The following CTNNA2 variants were observed in gnomAD, a reference collection of about 807,000 sequenced individuals.
The protein encoded by CTNNA2 is catenin alpha 2, also known as catenin alpha-2.
CTNNA2 carries 42 observed loss-of-function variants against 101.0 expected under a neutral mutation model. The observed-to-expected ratio is 0.42, with a 90% CI of 0.32 to 0.54. The LOEUF is 0.54. Ranked by LOEUF, CTNNA2 falls within the 20% of genes least tolerant of loss-of-function variation. The pLI is 0.14. For missense variants in CTNNA2, 871 were observed against 1,223.1 expected (o/e 0.71, Z 4.29); for synonymous variants, 450 against 456.4 (o/e 0.99, Z 0.18).
chr2:79,687,411 C>T (rs1169503914), intron 2 of CTNNA2, among the ~76,000 whole-genome samples: 3 of 147,750 alleles, frequency 2.0e-5, no homozygotes, highest in Non-Finnish European at 4.5e-5. Flanking sequence ...TACTGAGGAG[C>T]AGCAAAAATC....
intron 3 of CTNNA2, among the ~76,000 whole-genome samples, chr2:79,812,730 C>T (rs2105344985): frequency 6.6e-6 from 1 of 152,078 alleles, no homozygotes; most frequent in East Asian, 1.9e-4. Flanking sequence ...TGTACTTTGT[C>T]ACCCAGATTT....
intron 7 of CTNNA2, among the ~76,000 whole-genome samples, chr2:79,913,501 GC>G (rs1195121710): frequency 1.3e-5 from 2 of 152,080 alleles, no homozygotes; most frequent in Non-Finnish European, 2.9e-5. Flanking sequence ...GGAATGAGAG[GC>G]CATTGCACAG....
chr2:80,600,168 TAA>T (rs550038721), intron 15 of CTNNA2, among the ~76,000 whole-genome samples: 5 of 152,040 alleles, frequency 3.3e-5, no homozygotes, highest in African/African-American at 1.2e-4. Context: ...GTTGGAAAAA[TAA>T]AGAGTGTGAT....
rs577627743 is a variant in CTNNA2, at chr2:80,473,721, C to T, written c.1290+54120C>T. ...AACAACAGAAAAATATTCAGTCTTA[C>T]GATCATGGGTGCTTGTACATCCTGA... On this transcript the variant is annotated intron_variant, in intron 9 of 18. Transcript: ENST00000402739. 4.9e-4 allele frequency among the ~76,000 whole-genome samples: 75 copies of T among 152,256 alleles called. 1 individual carries two copies. The highest frequency in any genetic ancestry group is 1.7e-3 in the African/African-American group (69 of 41,554).
intron 7 of CTNNA2, among the ~76,000 whole-genome samples, chr2:79,980,553 G>A (rs59224748): frequency 0.16 from 24,655 of 151,918 alleles, 3,507 homozygotes; most frequent in African/African-American, 0.38. Flanking sequence ...ATTACATTTT[G>A]AAACCTCATT....
intron 7 of CTNNA2, among the ~76,000 whole-genome samples, chr2:79,969,711 C>G (rs907442563): frequency 6.6e-6 from 1 of 152,200 alleles, no homozygotes; most frequent in Admixed American, 6.5e-5. Context: ...TCTGCCTTCT[C>G]TGTCTTCCTT....
intron 2 of CTNNA2, among the ~76,000 whole-genome samples, chr2:79,232,157 A>G (rs1674500995): frequency 6.6e-6 from 1 of 152,110 alleles, no homozygotes; most frequent in Admixed American, 6.5e-5. Context: ...GGAATGGTTC[A>G]GTTTTTGCTG....
intron 1 of CTNNA2, among the ~76,000 whole-genome samples, chr2:79,570,794 A>G (rs1675417185): frequency 6.6e-6 from 1 of 152,164 alleles, no homozygotes; most frequent in Non-Finnish European, 1.5e-5. Context: ...GCTCTTTTCT[A>G]TGGCATGAAA....
At chr2:79,255,481 CAAAT>C (rs1296023423) in intron 2 of CTNNA2, among the ~76,000 whole-genome samples, 3 of 152,092 alleles carry the variant, frequency 2.0e-5, no homozygotes, top group Non-Finnish European at 1.5e-5. Flanking sequence ...AAAAGTGAAA[CAAAT>C]AAGACAAGTA....
intron 7 of CTNNA2, among the ~76,000 whole-genome samples, chr2:80,374,689 G>T (rs529285879): frequency 0.023 from 3,280 of 140,182 alleles, 47 homozygotes; most frequent in Middle Eastern, 0.041. Context: ...GTGCGTGTGT[G>T]TGTGTGTGTG....
intron 2 of CTNNA2, among the ~76,000 whole-genome samples, chr2:79,215,474 T>C (rs536198464): frequency 6.6e-6 from 1 of 152,326 alleles, no homozygotes; most frequent in Non-Finnish European, 1.5e-5. Flanking sequence ...AATTAAGTCC[T>C]GTTGTGGGGT....
At chr2:80,325,734 T>A (rs569636958) in intron 7 of CTNNA2, among the ~76,000 whole-genome samples, 1 of 152,160 alleles carries the variant, frequency 6.6e-6, no homozygotes, top group African/African-American at 2.4e-5. Flanking sequence ...GAATTTAGCT[T>A]GAATATTCAT....
intron 1 of CTNNA2, among the ~76,000 whole-genome samples, chr2:79,630,395 G>A (rs536256453): frequency 1.3e-5 from 2 of 152,244 alleles, no homozygotes; most frequent in African/African-American, 2.4e-5. Context: ...AGAGAATTGG[G>A]CAGGAAAATT....
intron 3 of CTNNA2, chr2:79,339,594 C>T (rs754686342): frequency 6.6e-6 from 1 of 152,218 alleles, no homozygotes; most frequent in Non-Finnish European, 1.5e-5. Context: ...AGTTCACCCA[C>T]ATATGACGTC....
chr2:79,227,785 G>T (rs1348747697), intron 2 of CTNNA2, among the ~76,000 whole-genome samples: 1 of 152,034 alleles, frequency 6.6e-6, no homozygotes, highest in Non-Finnish European at 1.5e-5. Flanking sequence ...ATAGATTAAA[G>T]GGTACACACG....
At chr2:79,710,429 A>G (rs906134828) in intron 2 of CTNNA2, among the ~76,000 whole-genome samples, 2 of 152,216 alleles carry the variant, frequency 1.3e-5, no homozygotes, top group Non-Finnish European at 2.9e-5. Context: ...AGGAATATGC[A>G]TGAAGGACAG....
chr2:79,997,739 T>G (rs1176924511), intron 7 of CTNNA2, among the ~76,000 whole-genome samples: 10 of 152,198 alleles, frequency 6.6e-5, no homozygotes, highest in Non-Finnish European at 1.2e-4. Context: ...TCTCCTCTTC[T>G]GTGCTTATAA....
chr2:80,165,824 G>A (rs905589673), intron 7 of CTNNA2, among the ~76,000 whole-genome samples: 18 of 152,150 alleles, frequency 1.2e-4, no homozygotes, highest in African/African-American at 4.3e-4. Context: ...CACAGTCTTG[G>A]CGTTCTACTT....
At chr2:79,791,792 C>T (rs1209221237) in intron 3 of CTNNA2, among the ~76,000 whole-genome samples, 7 of 152,168 alleles carry the variant, frequency 4.6e-5, no homozygotes, top group Admixed American at 4.6e-4. Flanking sequence ...CTAGGGGCTG[C>T]AAATTCTCAG....
Sources: allele counts gnomAD v4.1 joint callset (sites outside exome capture counted in the v4.1 genomes callset), GRCh38; gene constraint gnomAD v4.1.1; transcripts MANE v1.5; gene names NCBI Gene and HGNC (gene_info 2026-07-23, HGNC 2026-07-21).